The following NHSL1 variants were observed in gnomAD, a reference collection of about 807,000 sequenced individuals.
NHSL1 encodes the protein NHS like 1.
A neutral mutation model predicts 95.0 loss-of-function variants in NHSL1; 48 were observed. That is an observed-to-expected ratio of 0.51 (90% CI 0.40 to 0.64). NHSL1 has a LOEUF of 0.64. Ranked by LOEUF, NHSL1 falls within the 30% of genes least tolerant of loss-of-function variation. The probability of loss-of-function intolerance (pLI) is 0.00; values close to 1 mark genes in which losing one functional copy is unlikely to be tolerated. For missense variants in NHSL1, 1,971 were observed against 2,077.7 expected (o/e 0.95, Z 1.00); for synonymous variants, 783 against 833.9 (o/e 0.94, Z 1.05).
At chr6:138,608,054 G>A (rs1276923072) in intron 1 of NHSL1, among the ~76,000 whole-genome samples, 4 of 152,206 alleles carry the variant, frequency 2.6e-5, no homozygotes, top group Non-Finnish European at 4.4e-5. Flanking sequence ...AGGACCAAGC[G>A]GAACTGCGCA....
chr6:138,545,196 T>G (rs1022996002), intron 1 of NHSL1, among the ~76,000 whole-genome samples: 1 of 152,020 alleles, frequency 6.6e-6, no homozygotes, highest in Non-Finnish European at 1.5e-5. Flanking sequence ...CACTCCTAAG[T>G]TCACAGAGTA....
At chr6:138,570,535 A>T (rs1053079663) in intron 1 of NHSL1, among the ~76,000 whole-genome samples, 1 of 152,204 alleles carries the variant, frequency 6.6e-6, no homozygotes, top group African/African-American at 2.4e-5. Flanking sequence ...CACCTTGTTG[A>T]TACAATAAAC....
chr6:138,629,032 C>A (rs1784781870), intron 1 of NHSL1, among the ~76,000 whole-genome samples: 1 of 152,218 alleles, frequency 6.6e-6, no homozygotes, highest in East Asian at 1.9e-4. Flanking sequence ...TCCACGCCAG[C>A]CTCTGAGAGG....
chr6:138,580,039 T>C (rs1191098734), intron 1 of NHSL1, among the ~76,000 whole-genome samples: 1 of 152,178 alleles, frequency 6.6e-6, no homozygotes, highest in African/African-American at 2.4e-5. Flanking sequence ...GAATATAAAG[T>C]AACAAAATTC....
At chr6:138,487,971 A>C (rs1247292826) in intron 2 of NHSL1, among the ~76,000 whole-genome samples, 1 of 152,226 alleles carries the variant, frequency 6.6e-6, no homozygotes, top group Non-Finnish European at 1.5e-5. Context: ...TAAGTAATCG[A>C]AAGTTTCTTG....
intron 2 of NHSL1, among the ~76,000 whole-genome samples, chr6:138,487,372 C>T (rs908215221): frequency 6.6e-6 from 1 of 152,212 alleles, no homozygotes; most frequent in African/African-American, 2.4e-5. Context: ...ATAAGCTAGT[C>T]ATACATACAT....
intron 1 of NHSL1, chr6:138,650,626 G>A (rs1785078809): frequency 3.5e-6 from 2 of 575,592 alleles, no homozygotes; most frequent in Admixed American, 3.8e-5. Flanking sequence ...ATGGAGCTCA[G>A]CACGCCACTA....
chr6:138,693,009 C>T (rs1035325347), upstream of NHSL1, among the ~76,000 whole-genome samples: 1 of 151,124 alleles, frequency 6.6e-6, no homozygotes, highest in Non-Finnish European at 1.5e-5. The surrounding 1 kb of genome is among the most constrained non-coding windows in gnomAD (Gnocchi z 4.3). Context: ...CTGCCTGGCG[C>T]CCGGCGGCGT....
At chr6:138,513,051 A>G (rs1443096554) in intron 1 of NHSL1, among the ~76,000 whole-genome samples, 2 of 152,182 alleles carry the variant, frequency 1.3e-5, no homozygotes, top group African/African-American at 4.8e-5. Flanking sequence ...TGTGTTCTAC[A>G]CATGGCAGAC....
intron 1 of NHSL1, among the ~76,000 whole-genome samples, chr6:138,505,327 C>T (rs1583320510): frequency 1.3e-5 from 2 of 152,188 alleles, no homozygotes; most frequent in South Asian, 2.1e-4. Context: ...GTACGCATTT[C>T]GAATTAGATA....
In NHSL1 at chr6:138,544,853, C is replaced by T. The variant is rs1345283159; in HGVS notation, c.16+770G>A. ...ATAGAGTTGACGGAAAAAATAAATG[C>T]CTAAAGAGAGAAAATACTCCTTGAC... On this transcript the variant is annotated intron_variant, in intron 1 of 4. Transcript: ENST00000342260. Among the ~76,000 whole-genome samples the T allele has an allele frequency of 2.6e-5, 4 of 152,024 alleles. No individual in the cohort carries two copies. In the East Asian group the frequency reaches 7.7e-4, roughly 29 times the overall value.
intron 5 of NHSL1, among the ~76,000 whole-genome samples, chr6:138,440,845 A>G (rs1776482372): frequency 6.6e-6 from 1 of 152,258 alleles, no homozygotes; most frequent in African/African-American, 2.4e-5. Context: ...ACTAACTGCA[A>G]ACTTTAGAAA....
intron 1 of NHSL1, among the ~76,000 whole-genome samples, chr6:138,537,685 A>C (rs1225556194): frequency 6.6e-6 from 1 of 152,230 alleles, no homozygotes; most frequent in African/African-American, 2.4e-5. Flanking sequence ...TAACGGATAG[A>C]GTTGGGATTT....
intron 1 of NHSL1, among the ~76,000 whole-genome samples, chr6:138,596,639 G>A (rs1164000880): frequency 6.6e-6 from 1 of 152,106 alleles, no homozygotes; most frequent in African/African-American, 2.4e-5. Flanking sequence ...GAAAGAATCA[G>A]CAGCGCCGCA....
At chr6:138,478,887 C>T (rs553092797) in intron 2 of NHSL1, among the ~76,000 whole-genome samples, 101 of 152,216 alleles carry the variant, frequency 6.6e-4, no homozygotes, top group African/African-American at 2.3e-3. Context: ...GGACGAGGGA[C>T]AAACATTTCT....
At chr6:138,562,452 G>T (rs1783446981) in intron 1 of NHSL1, among the ~76,000 whole-genome samples, 1 of 152,094 alleles carries the variant, frequency 6.6e-6, no homozygotes, top group South Asian at 2.1e-4. Context: ...TTTGAGACCA[G>T]CCTGGCCAAC....
intron 1 of NHSL1, among the ~76,000 whole-genome samples, chr6:138,580,905 A>C (rs935458153): frequency 2.6e-5 from 4 of 152,260 alleles, no homozygotes; most frequent in African/African-American, 9.6e-5. Flanking sequence ...AAACGCAATC[A>C]CATGTGTCCT....
At chr6:138,487,010 G>C (rs905988317) in intron 2 of NHSL1, among the ~76,000 whole-genome samples, 1 of 152,212 alleles carries the variant, frequency 6.6e-6, no homozygotes, top group Non-Finnish European at 1.5e-5. Context: ...GGTGTGAGAG[G>C]TTGTGGTTCA....
chr6:138,575,100 T>C (rs985746101), upstream of NHSL1, among the ~76,000 whole-genome samples: 17 of 152,128 alleles, frequency 1.1e-4, no homozygotes, highest in African/African-American at 3.4e-4. Flanking sequence ...GGTTTCTCCA[T>C]GTTGGTCAGG....
Sources: allele counts gnomAD v4.1 joint callset (sites outside exome capture counted in the v4.1 genomes callset), GRCh38; gene constraint gnomAD v4.1.1; non-coding constraint Gnocchi (gnomAD v3.1); transcripts MANE v1.5; gene names NCBI Gene and HGNC (gene_info 2026-07-23, HGNC 2026-07-21).